Variants in GDA observed in about 807,000 individuals in gnomAD.
GDA encodes cytoplasmic PSD-95 interactor.
GDA carries 18 observed loss-of-function variants against 59.6 expected under a neutral mutation model. The observed-to-expected ratio is 0.30, with a 90% confidence interval of 0.21 to 0.45. The LOEUF (loss-of-function observed/expected upper bound fraction) is 0.45, where lower values mean the gene tolerates loss of function less well. Ranked by LOEUF, GDA falls within the 20% of genes least tolerant of loss-of-function variation. The probability of loss-of-function intolerance (pLI) is 1.00; values close to 1 mark genes in which losing one functional copy is unlikely to be tolerated. For missense variants in GDA, 427 were observed against 552.3 expected (o/e 0.77, Z 2.27); for synonymous variants, 201 against 201.1 (o/e 1.00, Z 0.00).
intron 1 of GDA, among the ~76,000 whole-genome samples, chr9:72,139,958 C>T (rs932474599): frequency 2.6e-5 from 4 of 152,128 alleles, no homozygotes; most frequent in African/African-American, 9.7e-5. Flanking sequence ...ACCTACCACA[C>T]CCTAATAAAA....
At chr9:72,133,383 A>G (rs913531664) in intron 1 of GDA, among the ~76,000 whole-genome samples, 1 of 150,980 alleles carries the variant, frequency 6.6e-6, no homozygotes, top group Non-Finnish European at 1.5e-5. Context: ...CTTAATCTAT[A>G]TTATCTATTG....
At chr9:72,137,509 G>T (rs1826282246) in intron 1 of GDA, among the ~76,000 whole-genome samples, 1 of 152,028 alleles carries the variant, frequency 6.6e-6, no homozygotes, top group Non-Finnish European at 1.5e-5. Context: ...GCCTTCCAAA[G>T]TGCTGGGATT....
In GDA at chr9:72,245,292, A is replaced by T; in HGVS notation, c.1266+14A>T. The T allele has an allele frequency of 1.3e-6, 2 of 1,595,752 alleles. No homozygotes were observed. The highest frequency in any genetic ancestry group is 1.7e-6 in the Non-Finnish European group (2 of 1,164,012). ...GATATTTCTGAGGTAAGTAAAAGAA[A>T]GTTAATCAAAAGGCATTTATTTCAT... On this transcript the variant is annotated intron_variant, in intron 12 of 13. Coordinates refer to ENST00000358399, the MANE Select transcript of GDA (RefSeq NM_004293.5).
chr9:72,163,682 T>C (rs1057288452), intron 1 of GDA, among the ~76,000 whole-genome samples: 3 of 151,978 alleles, frequency 2.0e-5, no homozygotes, highest in Non-Finnish European at 2.9e-5. Context: ...TTGGTAGAGA[T>C]GGGGTTTCAC....
chr9:72,217,034 A>G (rs993449387), intron 5 of GDA, among the ~76,000 whole-genome samples: 1 of 152,206 alleles, frequency 6.6e-6, no homozygotes, highest in Non-Finnish European at 1.5e-5. Flanking sequence ...GAGAATGTTC[A>G]AAAACTAGGT....
chr9:72,121,442 C>T (rs1379169782), intron 1 of GDA, among the ~76,000 whole-genome samples: 1 of 151,976 alleles, frequency 6.6e-6, no homozygotes, highest in African/African-American at 2.4e-5. Context: ...ACTAAAAATA[C>T]AAAAATTAGC....
chr9:72,258,792 G>T (rs987320786), downstream of GDA, among the ~76,000 whole-genome samples: 1 of 152,124 alleles, frequency 6.6e-6, no homozygotes, highest in African/African-American at 2.4e-5. Flanking sequence ...GCTTGGACTC[G>T]GAAGAAAGAG....
chr9:72,182,206 AC>A (rs1831315988), intron 1 of GDA, among the ~76,000 whole-genome samples: 3 of 152,228 alleles, frequency 2.0e-5, no homozygotes, highest in Admixed American at 2.0e-4. Context: ...ACCCATTCAA[AC>A]TTTGCCCACT....
chr9:72,236,615 G>A (rs1385323746), intron 10 of GDA, among the ~76,000 whole-genome samples: 2 of 151,990 alleles, frequency 1.3e-5, no homozygotes, highest in East Asian at 1.9e-4. Flanking sequence ...ATACCCCGAC[G>A]TGTGTTCTGT....
At position 72,250,133 on chromosome 9, in the gene GDA, G is replaced by A. The variant is rs1587818197; in HGVS notation, c.*1791G>A. 27 of 984,894 alleles carry A rather than the reference G, an allele frequency of 2.7e-5. No individual in the cohort carries two copies. Among genetic ancestry groups the A allele is most frequent in the South Asian group, 9.4e-5 (2 of 21,286 alleles). The allele number at this position is 984,894 out of a possible 1,614,324, so 61.0% of individuals were successfully genotyped here. On this transcript the variant is annotated 3_prime_UTR_variant, in exon 14 of 14. Transcript: ENST00000358399. The stretch of plus-strand genomic sequence containing the variant: ...GCCAAATTTCTCCCCATTTCTCTAC[G>A]GGGCTAGCAAAAATCTTCAGCTTTA...
upstream of GDA, among the ~76,000 whole-genome samples, chr9:72,146,870 C>T (rs953998542): frequency 6.6e-6 from 1 of 152,182 alleles, no homozygotes; most frequent in African/African-American, 2.4e-5. Context: ...ATCCTGGGCC[C>T]AGGTACCTAC....
chr9:72,247,413 T>A lies in GDA; in HGVS notation c.1274T>A (p.Ile425Asn). 6.7e-7 allele frequency: 1 copy of A among 1,481,876 alleles called. No individual in the cohort carries two copies. The highest frequency in any genetic ancestry group is 9.4e-7 in the Non-Finnish European group (1 of 1,059,584). 91.8% of individuals were successfully genotyped at this position (1,481,876 alleles called of 1,614,324 possible). The change falls in exon 13 of 14, where the codon ATC becomes AAC. Residue 425 changes from isoleucine (I) to asparagine (N), a missense_variant. By Grantham distance (149) the Ile-to-Asn change is moderately radical (BLOSUM62 -3). Coordinates refer to ENST00000358399, the MANE Select transcript of GDA (RefSeq NM_004293.5). ...TTTTATTTTCCATTTTAGGCTGTTA[T>A]CCAGAAGTTCCTCTATCTAGGTAGG... Reference protein sequence around the residue: ...DFFGDISEAVIQKFLYLGDDR... With the variant: ...DFFGDISEAVNQKFLYLGDDR...
chr9:72,205,535 C>G (rs1387522496), intron 3 of GDA, among the ~76,000 whole-genome samples: 3 of 152,156 alleles, frequency 2.0e-5, no homozygotes, highest in Non-Finnish European at 4.4e-5. Flanking sequence ...TCAGAGGACT[C>G]TGCCCAGCAA....
At chr9:72,229,526 A>T (rs1838076327) in intron 9 of GDA, among the ~76,000 whole-genome samples, 1 of 152,138 alleles carries the variant, frequency 6.6e-6, no homozygotes, top group African/African-American at 2.4e-5. Context: ...ACAGAACTCA[A>T]AGTTATCCTG....
chr9:72,177,092 CTTTTTT>C (rs58433062), intron 1 of GDA, among the ~76,000 whole-genome samples: 8 of 67,796 alleles, frequency 1.2e-4, no homozygotes, highest in African/African-American at 4.4e-4. Flanking sequence ...TTATAAACTG[CTTTTTT>C]TTTTTTTTTT....
Position 72,241,152 on chromosome 9 carries a change from A to G in GDA, c.989A>G (p.Asp330Gly), listed in dbSNP as rs1480217043. Reference sequence around the variant, plus strand: ...TTTGGTTTTATTTTACCTACTGCAGACGTGGCTGGTGGCTATTCATATTCC... The same window carrying G: ...TTTGGTTTTATTTTACCTACTGCAGGCGTGGCTGGTGGCTATTCATATTCC... ...KHEVKIGLGT[D>G]VAGGYSYSML... The change falls in exon 11 of 14, where the codon GAC becomes GGC. Residue 330 changes from aspartate to glycine, a missense_variant and splice_region_variant. Coordinates refer to ENST00000358399, the MANE Select transcript of GDA (RefSeq NM_004293.5). 6.3e-7 allele frequency: 1 copy of G among 1,592,478 alleles called. No individual in the cohort carries two copies. The highest frequency in any genetic ancestry group is 8.6e-7 in the Non-Finnish European group (1 of 1,163,358).
chr9:72,236,417 C>G (rs568752787), intron 10 of GDA, among the ~76,000 whole-genome samples: 2 of 152,280 alleles, frequency 1.3e-5, no homozygotes, highest in South Asian at 4.1e-4. Context: ...ACCCCAACTT[C>G]TAGTTTAAGG....
At position 72,149,487 on chromosome 9, in the gene GDA, A is replaced by G. The variant is rs1826868498; in HGVS notation, c.-73A>G. The G allele has an allele frequency of 1.3e-5, 20 of 1,567,672 alleles. No homozygotes were observed. The South Asian group carries it at 2.2e-4, about 17-fold the overall frequency. On this transcript the variant is annotated 5_prime_UTR_variant, in exon 1 of 14. Coordinates refer to ENST00000358399, the MANE Select transcript of GDA (RefSeq NM_004293.5). Reference sequence around the variant, plus strand: ...CCGCCCGGCAGCCGCCCGCAGCTGCAGAGAGTCCCGCTGCGTCTCCGCCGC... The same window carrying G: ...CCGCCCGGCAGCCGCCCGCAGCTGCGGAGAGTCCCGCTGCGTCTCCGCCGC...
chr9:72,160,026 G>A (rs1048263835), intron 1 of GDA, among the ~76,000 whole-genome samples: 2 of 152,098 alleles, frequency 1.3e-5, no homozygotes, highest in South Asian at 2.1e-4. Flanking sequence ...TCAGCCGGGC[G>A]CGGTGGCTCA....
Sources: allele counts gnomAD v4.1 joint callset (sites outside exome capture counted in the v4.1 genomes callset), GRCh38; gene constraint gnomAD v4.1.1; transcripts MANE v1.5; gene names NCBI Gene and HGNC (gene_info 2026-07-23, HGNC 2026-07-21).